RERE: variants seen among roughly 807,000 people sequenced by gnomAD.
RERE encodes arginine-glutamic acid dipeptide repeats protein.
In RERE, 40 loss-of-function variants were observed where a neutral mutation model predicts 146.1. The observed-to-expected ratio is 0.27, with a 90% CI of 0.21 to 0.36. RERE has a LOEUF of 0.36. Ranked by LOEUF, RERE falls within the 10% of genes least tolerant of loss-of-function variation. RERE has a pLI of 1.00. For synonymous variants in RERE, 1,003 were observed against 866.0 expected, an observed-to-expected ratio of 1.16 and a Z score of -2.78; for missense variants, 1,933 against 2,138.7, an observed-to-expected ratio of 0.90 and a Z score of 1.90.
chr1:8,684,286 T>G (rs1260123298), intron 1 of RERE, among the ~76,000 whole-genome samples: 1 of 152,206 alleles, frequency 6.6e-6, no homozygotes, highest in Non-Finnish European at 1.5e-5. Flanking sequence ...TGAATCAATG[T>G]ACCAAATAAT....
intron 1 of RERE, among the ~76,000 whole-genome samples, chr1:8,682,473 G>C (rs993690481): frequency 6.6e-6 from 1 of 152,068 alleles, no homozygotes; most frequent in Non-Finnish European, 1.5e-5. Context: ...TGTTGTTGTT[G>C]TATGACATTA....
At chr1:8,412,375 T>C (rs948233793) in intron 12 of RERE, among the ~76,000 whole-genome samples, 7 of 152,222 alleles carry the variant, frequency 4.6e-5, no homozygotes, top group African/African-American at 1.7e-4. Context: ...CATATGATGA[T>C]GACTCACTAA....
intron 4 of RERE, among the ~76,000 whole-genome samples, chr1:8,580,609 T>C (rs1405632929): frequency 6.6e-6 from 1 of 152,222 alleles, no homozygotes; most frequent in East Asian, 1.9e-4. Flanking sequence ...ATTTAGTTTT[T>C]ATAAAGGCTC....
At chr1:8,644,079 T>C (rs1367938927) in intron 2 of RERE, among the ~76,000 whole-genome samples, 1 of 152,168 alleles carries the variant, frequency 6.6e-6, no homozygotes, top group South Asian at 2.1e-4. Context: ...TAAATATCCA[T>C]ATGCAATAAC....
chr1:8,633,589 A>C (rs1426227764), intron 2 of RERE, among the ~76,000 whole-genome samples: 1 of 152,118 alleles, frequency 6.6e-6, no homozygotes, highest in Admixed American at 6.5e-5. Context: ...CAGCTGTGTA[A>C]GACATGCTTA....
intron 1 of RERE, among the ~76,000 whole-genome samples, chr1:8,658,904 T>G (rs1371537909): frequency 6.6e-6 from 1 of 152,220 alleles, no homozygotes; most frequent in Non-Finnish European, 1.5e-5. Flanking sequence ...TCAAATATCC[T>G]TAGACATTCA....
chr1:8,793,795 A>G (rs1391687755), intron 1 of RERE, among the ~76,000 whole-genome samples: 1 of 152,154 alleles, frequency 6.6e-6, no homozygotes, highest in Non-Finnish European at 1.5e-5. Flanking sequence ...GAGGGCAGGT[A>G]CTATAACACC....
intron 2 of RERE, among the ~76,000 whole-genome samples, chr1:8,651,726 G>GA (rs796750699): frequency 0.037 from 3,888 of 104,836 alleles, 73 homozygotes; most frequent in Non-Finnish European, 0.057. Context: ...TGTCTCAAAA[G>GA]AAAAAAAAAA....
At chr1:8,769,514 C>T (rs543293281) in intron 1 of RERE, among the ~76,000 whole-genome samples, 2 of 152,262 alleles carry the variant, frequency 1.3e-5, no homozygotes, top group South Asian at 4.2e-4. Context: ...GGGTCTCAAT[C>T]GCTCACCCAG....
At chr1:8,601,736 AACACACACACACAC>A (rs3082091) in intron 4 of RERE, among the ~76,000 whole-genome samples, 564 of 140,884 alleles carry the variant, frequency 4.0e-3, no homozygotes, top group Middle Eastern at 0.015. Context: ...GTCCAAGGTC[AACACACACACACAC>A]ACACACACAC....
At chr1:8,479,851 G>C (rs1414694320) in intron 10 of RERE, among the ~76,000 whole-genome samples, 2 of 151,994 alleles carry the variant, frequency 1.3e-5, no homozygotes, top group African/African-American at 2.4e-5. Flanking sequence ...CAAAAACTGG[G>C]GATAAAAAAT....
rs547654067 is a variant in RERE at position 8,754,256 on chromosome 1, G to A, written c.-145+62904C>T. Among the ~76,000 whole-genome samples, 3 of 148,812 alleles carry A rather than the reference G, an allele frequency of 2.0e-5. No individual in the cohort carries two copies. In the South Asian group the frequency reaches 6.4e-4, roughly 32 times the overall value. ...TTTAATCAGCAGCATCGACAGTACT[G>A]ACTGAATATTTTACAATGGAGTTGC... On this transcript the variant is annotated intron_variant, in intron 1 of 22. Coordinates refer to ENST00000400908, the MANE Select transcript of RERE (RefSeq NM_001042681.2).
chr1:8,693,446 T>C (rs1179586410), intron 1 of RERE, among the ~76,000 whole-genome samples: 1 of 152,134 alleles, frequency 6.6e-6, no homozygotes, highest in Non-Finnish European at 1.5e-5. Context: ...CACAGAGACA[T>C]GGAGAAACCT....
At chr1:8,559,878 G>C (rs1332332474) in intron 4 of RERE, among the ~76,000 whole-genome samples, 1 of 152,144 alleles carries the variant, frequency 6.6e-6, no homozygotes, top group Non-Finnish European at 1.5e-5. Context: ...CAGGCAGCAA[G>C]GGACAAATCG....
chr1:8,564,864 G>GTA (rs1272133889), intron 4 of RERE, among the ~76,000 whole-genome samples: 34 of 130,990 alleles, frequency 2.6e-4, no homozygotes, highest in Admixed American at 2.6e-3. Context: ...GTGTGTGTGT[G>GTA]TGTGTGTATA....
At chr1:8,532,719 C>T (rs578014767) in intron 7 of RERE, among the ~76,000 whole-genome samples, 2 of 152,268 alleles carry the variant, frequency 1.3e-5, no homozygotes, top group Admixed American at 6.5e-5. Context: ...CTCAGCCTCC[C>T]GAGTAGCTGG....
rs556857989 is a variant in RERE, at chr1:8,364,709, C to T, written c.1540+37G>A. ...GTTCAGAACATGGAAGTGCTTGTGC[C>T]CCCGCCCCGCCCCAGGAGCGTGACG... On this transcript the variant is annotated intron_variant, in intron 14 of 22. Coordinates refer to ENST00000400908, the MANE Select transcript of RERE (RefSeq NM_001042681.2). This position sits in a 1 kb window ranked among gnomAD's most constrained non-coding sequence, Gnocchi z 5.1. 6.0e-6 allele frequency: 9 copies of T among 1,503,850 alleles called. No individual in the cohort carries two copies. In the East Asian group the frequency reaches 6.8e-5, roughly 11 times the overall value. 93.2% of individuals were successfully genotyped at this position (1,503,850 alleles called of 1,614,324 possible). A position where few individuals can be genotyped will look rare whatever the true frequency, so the allele number is the denominator to read the frequency against.
At position 8,656,366 on chromosome 1, in the gene RERE, G is replaced by A; in HGVS notation, c.-69C>T. The A allele has an allele frequency of 6.6e-7, 1 of 1,512,830 alleles. No homozygotes were observed. Among genetic ancestry groups the A allele is most frequent in the Non-Finnish European group, 8.8e-7 (1 of 1,133,808 alleles). The allele number at this position is 1,512,830 out of a possible 1,614,324, so 93.7% of individuals were successfully genotyped here. A position where few individuals can be genotyped will look rare whatever the true frequency, so the allele number is the denominator to read the frequency against. ...CGTGAAAGGTAGACAGTAAGCCTGGGCTTCAGTCTTCTGAATTTCTCACTC... is the reference window on the plus strand; with the variant it reads ...CGTGAAAGGTAGACAGTAAGCCTGGACTTCAGTCTTCTGAATTTCTCACTC... On this transcript the variant is annotated 5_prime_UTR_variant, in exon 2 of 23. Coordinates refer to ENST00000400908, the MANE Select transcript of RERE (RefSeq NM_001042681.2).
Position 8,356,168 on chromosome 1 carries a change from C to T in RERE, c.4418G>A (p.Gly1473Asp). The T allele has an allele frequency of 6.6e-7, 1 of 1,521,140 alleles. No homozygotes were observed. The highest frequency in any genetic ancestry group is 8.7e-7 in the Non-Finnish European group (1 of 1,144,300). The allele number at this position is 1,521,140 out of a possible 1,614,324, so 94.2% of individuals were successfully genotyped here. ...PHLARFPYPP[G>D]TLPNPLLGQP... ...TCCAAGCAGAGGGTTGGGGAGAGTGCCAGGCGGGTAGGGGAAGCGAGCCAG... is the reference window on the plus strand; with the variant it reads ...TCCAAGCAGAGGGTTGGGGAGAGTGTCAGGCGGGTAGGGGAAGCGAGCCAG... The change falls in exon 21 of 23, where the codon GGC becomes GAC. Residue 1473 changes from glycine to aspartate, a missense_variant. Transcript: ENST00000400908. The surrounding 1 kb of genome is among the most constrained non-coding windows in gnomAD (Gnocchi z 5.2).
Sources: allele counts gnomAD v4.1 joint callset (sites outside exome capture counted in the v4.1 genomes callset), GRCh38; gene constraint gnomAD v4.1.1; non-coding constraint Gnocchi (gnomAD v3.1); transcripts MANE v1.5; gene names NCBI Gene and HGNC (gene_info 2026-07-23, HGNC 2026-07-21).